GRXCR2: variants seen among roughly 807,000 people sequenced by gnomAD.
The protein encoded by GRXCR2 is glutaredoxin and cysteine rich domain containing 2.
A neutral mutation model predicts 24.8 loss-of-function variants in GRXCR2; 23 were observed. The ratio of observed to expected loss-of-function variants is 0.93; its 90% CI spans 0.67 to 1.32. The LOEUF is 1.32. GRXCR2 is among the 40% of genes most tolerant of loss of function. The pLI is 0.00. For synonymous variants in GRXCR2, 130 were observed against 116.1 expected, an observed-to-expected ratio of 1.12 and a Z score of -0.77; for missense variants, 315 against 303.4, an observed-to-expected ratio of 1.04 and a Z score of -0.28.
At chr5:145,883,364 A>G (rs1756731683) in intron 2 of GRXCR2, among the ~76,000 whole-genome samples, 1 of 152,192 alleles carries the variant, frequency 6.6e-6, no homozygotes, top group Non-Finnish European at 1.5e-5. Context: ...GTTTTTGTTA[A>G]GTAAACTGTA....
chr5:145,898,179 T>C (rs1017175788), intron 2 of GRXCR2, among the ~76,000 whole-genome samples: 4 of 151,916 alleles, frequency 2.6e-5, no homozygotes, highest in African/African-American at 9.7e-5. Flanking sequence ...CAGAGACTAT[T>C]ATGAACACCT....
At chr5:145,908,762 A>G (rs545911450) in intron 2 of GRXCR2, among the ~76,000 whole-genome samples, 10 of 152,314 alleles carry the variant, frequency 6.6e-5, no homozygotes, top group African/African-American at 2.2e-4. Flanking sequence ...GCAATCATTG[A>G]CTTCTGAATG....
At chr5:145,895,937 T>C (rs536958728) in intron 2 of GRXCR2, among the ~76,000 whole-genome samples, 3 of 152,232 alleles carry the variant, frequency 2.0e-5, no homozygotes, top group East Asian at 1.9e-4. Flanking sequence ...TACAGAGATA[T>C]AGAACAATGG....
intron 2 of GRXCR2, among the ~76,000 whole-genome samples, chr5:145,918,058 G>A (rs989020739): frequency 3.3e-5 from 5 of 152,164 alleles, no homozygotes; most frequent in African/African-American, 7.2e-5. Flanking sequence ...GATTATAGGC[G>A]TGAGCCACTG....
At chr5:145,904,877 C>T (rs770526933) in intron 2 of GRXCR2, among the ~76,000 whole-genome samples, 1 of 152,180 alleles carries the variant, frequency 6.6e-6, no homozygotes, top group African/African-American at 2.4e-5. Flanking sequence ...TTAACTGGGG[C>T]TCTTGAAGGG....
chr5:145,924,153 G>A (rs1033954596), intron 2 of GRXCR2, among the ~76,000 whole-genome samples: 5 of 152,084 alleles, frequency 3.3e-5, no homozygotes, highest in Admixed American at 1.3e-4. Flanking sequence ...CCACACTCCT[G>A]TACTCCTAGT....
chr5:145,931,224 A>G (rs1207042006), intron 2 of GRXCR2, among the ~76,000 whole-genome samples: 5 of 151,742 alleles, frequency 3.3e-5, no homozygotes, highest in Non-Finnish European at 7.4e-5. Flanking sequence ...TAGAGACAGG[A>G]TTTTGCCATG....
At chr5:145,893,620 C>T (rs1307993940) in intron 2 of GRXCR2, among the ~76,000 whole-genome samples, 1 of 152,134 alleles carries the variant, frequency 6.6e-6, no homozygotes, top group Non-Finnish European at 1.5e-5. Context: ...CAGGAGCACC[C>T]AGATTCATAA....
intron 2 of GRXCR2, among the ~76,000 whole-genome samples, chr5:145,881,340 T>C (rs1409738559): frequency 6.6e-6 from 1 of 152,210 alleles, no homozygotes; most frequent in African/African-American, 2.4e-5. Context: ...AGTCTCAGGA[T>C]ACAAAATCAA....
chr5:145,861,763 G>T (rs938102470), intron 2 of GRXCR2, among the ~76,000 whole-genome samples: 2 of 152,118 alleles, frequency 1.3e-5, no homozygotes, highest in Non-Finnish European at 1.5e-5. Context: ...GCAGGAGTCC[G>T]CTGGGTAGCT....
intron 2 of GRXCR2, among the ~76,000 whole-genome samples, chr5:145,903,249 T>C (rs552708605): frequency 6.6e-6 from 1 of 152,320 alleles, no homozygotes; most frequent in Non-Finnish European, 1.5e-5. Flanking sequence ...ATAGCACGGC[T>C]AGTTTCCTAT....
chr5:145,888,911 C>A (rs557043481), intron 2 of GRXCR2, among the ~76,000 whole-genome samples: 1 of 152,056 alleles, frequency 6.6e-6, no homozygotes, highest in African/African-American at 2.4e-5. Context: ...CAGTGGCTCA[C>A]GCCTGTAATC....
chr5:145,899,696 G>C (rs765915499), intron 2 of GRXCR2, among the ~76,000 whole-genome samples: 3 of 152,098 alleles, frequency 2.0e-5, no homozygotes, highest in Non-Finnish European at 4.4e-5. Flanking sequence ...TGCTGGGAGA[G>C]CTTGCTAGCC....
intron 2 of GRXCR2, among the ~76,000 whole-genome samples, chr5:145,890,011 A>G (rs1339866562): frequency 6.6e-6 from 1 of 152,274 alleles, no homozygotes; most frequent in Non-Finnish European, 1.5e-5. Flanking sequence ...ACTAAGCAGA[A>G]GAAATAATTT....
In GRXCR2 at chr5:145,917,801, G is replaced by A. The variant is rs191797685; in HGVS notation, c.-70+17900C>T. 1.2e-4 allele frequency among the ~76,000 whole-genome samples: 19 copies of A among 152,268 alleles called. No homozygotes were observed. In the East Asian group the frequency reaches 3.7e-3, roughly 29 times the overall value. ...TCTGTTTTGTTTTGTTCTGTTTTGAGATGGAGTCTCACTTTGTCACCAGGC... is the reference window on the plus strand; with the variant it reads ...TCTGTTTTGTTTTGTTCTGTTTTGAAATGGAGTCTCACTTTGTCACCAGGC... On this transcript the variant is annotated intron_variant, in intron 2 of 3. Transcript: ENST00000639411.
intron 2 of GRXCR2, among the ~76,000 whole-genome samples, chr5:145,898,963 G>A (rs1756989596): frequency 6.6e-6 from 1 of 152,102 alleles, no homozygotes; most frequent in African/African-American, 2.4e-5. Context: ...AAGACAGAAA[G>A]TCAAATTATC....
intron 2 of GRXCR2, among the ~76,000 whole-genome samples, chr5:145,888,159 G>A (rs1308267679): frequency 6.6e-6 from 1 of 152,232 alleles, no homozygotes; most frequent in African/African-American, 2.4e-5. Context: ...AGCTGATGAA[G>A]ACTCTGCCAC....
chr5:145,905,461 T>G (rs931917709), intron 2 of GRXCR2, among the ~76,000 whole-genome samples: 1 of 152,222 alleles, frequency 6.6e-6, no homozygotes, highest in Non-Finnish European at 1.5e-5. Context: ...TTATTAGAGA[T>G]GTACTATGTA....
chr5:145,892,737 A>G (rs1756888211), intron 2 of GRXCR2, among the ~76,000 whole-genome samples: 1 of 152,350 alleles, frequency 6.6e-6, no homozygotes. Flanking sequence ...AACTTCCCCA[A>G]TCTAGCAAGG....
Sources: gnomAD v4.1 joint callset for allele counts (sites outside exome capture counted in the v4.1 genomes callset) on GRCh38, gnomAD v4.1.1 for gene constraint, MANE v1.5 for transcripts, NCBI Gene and HGNC (gene_info 2026-07-23, HGNC 2026-07-21) for gene names.